The following SV2C variants were observed in gnomAD, a reference collection of about 807,000 sequenced individuals.
SV2C encodes the protein synaptic vesicle glycoprotein 2C.
Under a neutral mutation model 79.7 loss-of-function variants are expected in SV2C, and 49 were observed. The observed-to-expected ratio is 0.61, with a 90% CI of 0.49 to 0.78. The LOEUF (loss-of-function observed/expected upper bound fraction) is 0.78. Ranked by LOEUF, SV2C falls within the 30% of genes least tolerant of loss-of-function variation. The pLI, the probability that SV2C is intolerant of heterozygous loss-of-function variation, is 0.00. For synonymous variants in SV2C, 334 were observed against 333.2 expected (o/e 1.00, Z -0.03); for missense variants, 833 against 912.9 (o/e 0.91, Z 1.13).
chr5:76,276,833 G>C (rs893720981), intron 4 of SV2C, among the ~76,000 whole-genome samples: 16 of 151,622 alleles, frequency 1.1e-4, no homozygotes, highest in African/African-American at 3.6e-4. Context: ...CCTCCCAAAG[G>C]GTTGGGATTA....
the SV2C span, among the ~76,000 whole-genome samples, chr5:75,887,153 T>C: frequency 0.15 from 23,206 of 152,170 alleles, 2,660 homozygotes; most frequent in African/African-American, 0.32. Context: ...CATTGTGAAA[T>C]GGCTAAATCA....
chr5:76,129,922 T>C (rs1748824382), intron 1 of SV2C, among the ~76,000 whole-genome samples: 2 of 152,016 alleles, frequency 1.3e-5, no homozygotes, highest in South Asian at 4.2e-4. Flanking sequence ...AGGATGGCAG[T>C]TTATTTTATT....
chr5:75,957,897 T>C, the SV2C span, among the ~76,000 whole-genome samples: 3 of 152,030 alleles, frequency 2.0e-5, no homozygotes, highest in African/African-American at 7.2e-5. Context: ...TAGTTCTTGC[T>C]AGGCATCTTT....
chr5:76,193,632 T>TTAGTTACTGGATCAAGGGAAAGTCC (rs1744174213), intron 2 of SV2C, among the ~76,000 whole-genome samples: 1 of 152,174 alleles, frequency 6.6e-6, no homozygotes, highest in African/African-American at 2.4e-5. Flanking sequence ...TTTTAACCCT[T>TTAGTTACTGGATCAAGGGAAAGTCC]TAGTTACTGG....
chr5:76,264,807 AG>A (rs1402793084), intron 4 of SV2C, among the ~76,000 whole-genome samples: 1 of 152,188 alleles, frequency 6.6e-6, no homozygotes, highest in Non-Finnish European at 1.5e-5. Flanking sequence ...TTCCTCTGGA[AG>A]GTTCTTCCCC....
chr5:76,233,923 C>T (rs79953157), intron 4 of SV2C, among the ~76,000 whole-genome samples: 10,679 of 151,978 alleles, frequency 0.07, 1,211 homozygotes, highest in African/African-American at 0.24. Flanking sequence ...TGTCTCTGAG[C>T]TCATGGCTGA....
At chr5:75,991,066 A>G in the SV2C span, among the ~76,000 whole-genome samples, 1 of 152,022 alleles carries the variant, frequency 6.6e-6, no homozygotes. Flanking sequence ...TTTGTACATA[A>G]CATCCTAGAG....
At chr5:76,336,045 G>A (rs1303373511), downstream of SV2C, among the ~76,000 whole-genome samples, 1 of 145,682 alleles carries the variant, frequency 6.9e-6, no homozygotes, top group Non-Finnish European at 1.5e-5. Flanking sequence ...CTAGCCGGGC[G>A]GGGGGCTGAC....
intron 1 of SV2C, 47 bp downstream of exon 1, chr5:76,083,559 G>A (rs1747066893): frequency 6.6e-6 from 1 of 152,380 alleles, no homozygotes; most frequent in African/African-American, 2.4e-5. Context: ...ACTTTCCCCC[G>A]CTGCTGGATT....
intron 1 of SV2C, among the ~76,000 whole-genome samples, chr5:76,120,862 T>G (rs1234036462): frequency 6.6e-6 from 1 of 150,866 alleles, no homozygotes; most frequent in Non-Finnish European, 1.5e-5. Context: ...GCATGATTTA[T>G]AGTCCTTTGG....
intron 2 of SV2C, among the ~76,000 whole-genome samples, chr5:76,167,212 G>A (rs1480988536): frequency 2.6e-5 from 4 of 152,300 alleles, no homozygotes; most frequent in African/African-American, 7.2e-5. Context: ...TCAGACACTG[G>A]GAAATTCACT....
intron 2 of SV2C, chr5:76,171,166 T>C (rs943278471): frequency 2.2e-5 from 1 of 45,580 alleles, no homozygotes; most frequent in African/African-American, 1.2e-4. Context: ...TGCCACCCCG[T>C]CTGGGAAGTG....
At chr5:76,025,739 T>C in the SV2C span, among the ~76,000 whole-genome samples, 1 of 152,136 alleles carries the variant, frequency 6.6e-6, no homozygotes, top group Non-Finnish European at 1.5e-5. Context: ...AATAGCACAT[T>C]GAGAAAAATG....
At chr5:76,181,279 G>A (rs563403337) in intron 2 of SV2C, among the ~76,000 whole-genome samples, 6 of 152,142 alleles carry the variant, frequency 3.9e-5, no homozygotes, top group Admixed American at 3.3e-4. Context: ...GTTCCATGCC[G>A]CAGCAGCAGA....
intron 1 of SV2C, among the ~76,000 whole-genome samples, chr5:76,096,617 G>C (rs1030703358): frequency 3.9e-5 from 6 of 152,158 alleles, no homozygotes; most frequent in African/African-American, 1.4e-4. Context: ...GCAGAAACAT[G>C]TGATGCCTTG....
At chr5:76,052,338 T>G in the SV2C span, among the ~76,000 whole-genome samples, 3 of 152,176 alleles carry the variant, frequency 2.0e-5, no homozygotes, top group Non-Finnish European at 4.4e-5. Context: ...AGGCATAAGG[T>G]AAAATTCTGC....
chr5:76,181,565 G>A (rs1005841959), intron 2 of SV2C, among the ~76,000 whole-genome samples: 15 of 152,152 alleles, frequency 9.9e-5, no homozygotes, highest in African/African-American at 3.4e-4. Context: ...AAGGTGAAGG[G>A]CAAGCAAGCA....
chr5:76,008,488 C>T, the SV2C span, among the ~76,000 whole-genome samples: 1 of 152,110 alleles, frequency 6.6e-6, no homozygotes, highest in African/African-American at 2.4e-5. Flanking sequence ...TGATTCAAAA[C>T]TCTAGTCTTA....
At chr5:76,207,171 A>G (rs1034815689) in intron 3 of SV2C, among the ~76,000 whole-genome samples, 2 of 151,928 alleles carry the variant, frequency 1.3e-5, no homozygotes, top group African/African-American at 4.8e-5. Flanking sequence ...ACTGCAAAAA[A>G]AAAAAAGAAA....
Sources: gnomAD v4.1 joint callset for allele counts (sites outside exome capture counted in the v4.1 genomes callset) on GRCh38, gnomAD v4.1.1 for gene constraint, MANE v1.5 for transcripts, NCBI Gene and HGNC (gene_info 2026-07-23, HGNC 2026-07-21) for gene names.